Variants in FOXP2 observed in about 807,000 individuals in gnomAD.
FOXP2 encodes the protein forkhead box P2.
In FOXP2, 12 loss-of-function variants were observed where a neutral mutation model predicts 115.8. The observed-to-expected ratio is 0.10, with a 90% CI of 0.07 to 0.17. FOXP2 has a LOEUF of 0.17. FOXP2 is among the 10% of genes least tolerant of loss of function. FOXP2 has a pLI of 1.00. For missense variants in FOXP2, 629 were observed against 843.5 expected, an observed-to-expected ratio of 0.75 and a Z score of 3.15; for synonymous variants, 328 against 297.7, an observed-to-expected ratio of 1.10 and a Z score of -1.05.
Position 114,664,422 on chromosome 7 carries a change from A to G in FOXP2, c.1989A>G (p.Ser663=). 6.2e-7 allele frequency: 1 copy of G among 1,613,458 alleles called. No homozygotes were observed. The highest frequency in any genetic ancestry group is 1.1e-5 in the South Asian group (1 of 91,076). Residue 663 remains serine, a synonymous_variant, in exon 16 of 17, where the codon TCA becomes TCG. Transcript: ENST00000350908. ...ATGGAAACAGTAGTCCGGGCTGCTC[A>G]CCTCAGCCGCACATGTAAGTGTGGT... ...DSNGNSSPGC[S]PQPHIHSIHV...
At chr7:114,172,578 A>C (rs1273274118) in intron 1 of FOXP2, among the ~76,000 whole-genome samples, 2 of 152,116 alleles carry the variant, frequency 1.3e-5, no homozygotes, top group Non-Finnish European at 2.9e-5. Context: ...GTAATAGAGG[A>C]AACTGGGTTT....
In FOXP2 at chr7:114,692,734, G is replaced by A. The variant is rs540485088; in HGVS notation, c.*2808G>A. On this transcript the variant is annotated 3_prime_UTR_variant, in exon 17 of 17. Coordinates refer to ENST00000350908, the MANE Select transcript of FOXP2 (RefSeq NM_014491.4). ...TCATGTATTCTTGCTTCTATCATAA[G>A]CTGATTATGGGGACTATGATCTTTT... 6.3e-5 allele frequency: 28 copies of A among 446,338 alleles called. No homozygotes were observed. Among genetic ancestry groups the A allele is most frequent in the African/African-American group, 5.0e-4 (25 of 49,670 alleles). The allele number at this position is 446,338 out of a possible 1,614,324, so 27.6% of individuals were successfully genotyped here.
At chr7:114,601,069 T>G (rs1361679590) in intron 3 of FOXP2, among the ~76,000 whole-genome samples, 2 of 152,080 alleles carry the variant, frequency 1.3e-5, no homozygotes, top group Non-Finnish European at 2.9e-5. Context: ...GTTCAAATGA[T>G]TCTAGTGCCT....
chr7:114,411,750 C>T (rs1005815898), upstream of FOXP2, among the ~76,000 whole-genome samples: 2 of 152,072 alleles, frequency 1.3e-5, no homozygotes, highest in Non-Finnish European at 2.9e-5. Flanking sequence ...GCTTATAGAT[C>T]CCTCTGCACT....
chr7:114,164,842 C>T (rs948897950), intron 1 of FOXP2, among the ~76,000 whole-genome samples: 1 of 152,014 alleles, frequency 6.6e-6, no homozygotes, highest in African/African-American at 2.4e-5. Context: ...AAAATAATGC[C>T]GTTCACAGAA....
At chr7:114,294,064 G>A (rs537431302) in intron 2 of FOXP2, among the ~76,000 whole-genome samples, 65 of 152,210 alleles carry the variant, frequency 4.3e-4, no homozygotes, top group African/African-American at 1.4e-3. Flanking sequence ...TGTCTCTCAG[G>A]CATATGTAAT....
At chr7:114,632,327 T>G (rs1172466455) in intron 6 of FOXP2, among the ~76,000 whole-genome samples, 5 of 152,248 alleles carry the variant, frequency 3.3e-5, no homozygotes. Flanking sequence ...AAGAAAAATT[T>G]GGAGGTACTC....
intron 1 of FOXP2, among the ~76,000 whole-genome samples, chr7:114,231,222 G>T (rs1794868345): frequency 6.6e-6 from 1 of 151,920 alleles, no homozygotes; most frequent in Non-Finnish European, 1.5e-5. Context: ...ATTACTGAAA[G>T]AATTGAAGAG....
intron 2 of FOXP2, among the ~76,000 whole-genome samples, chr7:114,388,695 T>A (rs2129193681): frequency 6.6e-6 from 1 of 152,338 alleles, no homozygotes; most frequent in African/African-American, 2.4e-5. Context: ...TTCTTAAATT[T>A]CAGCCATGGA....
chr7:114,088,771 C>T (rs1326531325), intron 1 of FOXP2, among the ~76,000 whole-genome samples: 1 of 152,120 alleles, frequency 6.6e-6, no homozygotes, highest in East Asian at 1.9e-4. Flanking sequence ...CAGTATATTC[C>T]CAGTGTACTG....
intron 2 of FOXP2, among the ~76,000 whole-genome samples, chr7:114,519,048 C>G (rs1798484761): frequency 6.6e-6 from 1 of 152,160 alleles, no homozygotes; most frequent in South Asian, 2.1e-4. Flanking sequence ...CAGAATGTTA[C>G]TGCCCTGTAG....
At position 114,403,889 on chromosome 7, in the gene FOXP2, A is replaced by G. The variant is rs1241333710; in HGVS notation, c.-10-22613A>G. Among the ~76,000 whole-genome samples, 5 of 152,142 alleles carry G rather than the reference A, an allele frequency of 3.3e-5. No individual in the cohort carries two copies. The East Asian group carries it at 9.6e-4, about 29-fold the overall frequency. On this transcript the variant is annotated intron_variant, in intron 2 of 17. Coordinates refer to the FOXP2 transcript ENST00000634411. ...AAGTTTGCAGGGCAATTCCCCGGGG[A>G]CCAAAATACCTCATACCTCTTACTT...
chr7:114,664,744 G>T (rs1405965830), intron 16 of FOXP2: 1 of 384,322 alleles, frequency 2.6e-6, no homozygotes, highest in Non-Finnish European at 4.9e-6. Flanking sequence ...ATTATCACAG[G>T]TTGGTTTGTA....
At position 114,539,536 on chromosome 7, in the gene FOXP2, T is replaced by C. The variant is rs1434137759; in HGVS notation, c.258+4830T>C. On this transcript the variant is annotated intron_variant, in intron 3 of 16. Coordinates refer to ENST00000350908, the MANE Select transcript of FOXP2 (RefSeq NM_014491.4). ...TGTGTATTGAAAGATGAACAGGAGGTCTAATACATTATTTCTTGATCATAA... is the reference window on the plus strand; with the variant it reads ...TGTGTATTGAAAGATGAACAGGAGGCCTAATACATTATTTCTTGATCATAA... Among the ~76,000 whole-genome samples the C allele has an allele frequency of 6.6e-5, 10 of 151,854 alleles. No individual in the cohort carries two copies. The Admixed American group carries it at 6.6e-4, about 10-fold the overall frequency.
rs1012821751 is a variant in FOXP2 at position 114,300,278 on chromosome 7, A to G, written c.-11+12169A>G. ...GGGAACTGGTTAAGTTAGAGTATAT[A>G]AAACAATAGAATAACAAATAATATT... On this transcript the variant is annotated intron_variant, in intron 2 of 17. Coordinates refer to the FOXP2 transcript ENST00000634411. Among the ~76,000 whole-genome samples, 8 of 152,148 alleles carry G rather than the reference A, an allele frequency of 5.3e-5. No individual in the cohort carries two copies. In the East Asian group the frequency reaches 1.5e-3, roughly 29 times the overall value.
chr7:114,374,004 T>A (rs1363104899), intron 2 of FOXP2, among the ~76,000 whole-genome samples: 1 of 152,216 alleles, frequency 6.6e-6, no homozygotes, highest in African/African-American at 2.4e-5. Flanking sequence ...CCATTTCACT[T>A]ACATCTCCTT....
At chr7:114,470,455 A>G (rs886322993) in intron 2 of FOXP2, among the ~76,000 whole-genome samples, 3 of 152,076 alleles carry the variant, frequency 2.0e-5, no homozygotes, top group African/African-American at 7.2e-5. Context: ...ATTATATGTT[A>G]TTTGTGTGGT....
intron 3 of FOXP2, among the ~76,000 whole-genome samples, chr7:114,535,398 T>C (rs946065209): frequency 6.6e-6 from 1 of 151,656 alleles, no homozygotes; most frequent in Non-Finnish European, 1.5e-5. Flanking sequence ...AATTCTGGAA[T>C]TGCATAAAAC....
At chr7:114,557,864 C>G (rs367834236) in intron 3 of FOXP2, among the ~76,000 whole-genome samples, 18 of 151,944 alleles carry the variant, frequency 1.2e-4, no homozygotes, top group African/African-American at 4.3e-4. Flanking sequence ...GGCTGGTGTG[C>G]AGTGGCCCGA....
Sources: allele counts gnomAD v4.1 joint callset (sites outside exome capture counted in the v4.1 genomes callset), GRCh38; gene constraint gnomAD v4.1.1; transcripts MANE v1.5; gene names NCBI Gene and HGNC (gene_info 2026-07-23, HGNC 2026-07-21).